Variants in SPAM1 observed in about 807,000 individuals in gnomAD.
SPAM1 encodes sperm adhesion molecule 1.
Under a neutral mutation model 29.6 loss-of-function variants are expected in SPAM1, and 22 were observed. The ratio of observed to expected loss-of-function variants is 0.74; its 90% confidence interval spans 0.53 to 1.06. The LOEUF is 1.06. Among genes scored for constraint, SPAM1 ranks in the 50% least tolerant of loss-of-function variants. The probability of loss-of-function intolerance (pLI) is 0.00; values close to 1 mark genes in which losing one functional copy is unlikely to be tolerated. For synonymous variants in SPAM1, 194 were observed against 204.6 expected (o/e 0.95, Z 0.44); for missense variants, 534 against 604.0 (o/e 0.88, Z 1.21).
In SPAM1 at chr7:123,953,886, A is replaced by G; in HGVS notation, c.316A>G (p.Thr106Ala). 1.2e-6 allele frequency: 2 copies of G among 1,613,760 alleles called. No homozygotes were observed. Among genetic ancestry groups the G allele is most frequent in the Non-Finnish European group, 8.5e-7 (1 of 1,179,820 alleles). ...CTACTATCCTTACATAGATTCAATC[A>G]CAGGAGTAACTGTGAATGGAGGAAT... Reference protein sequence around the residue: ...LGYYPYIDSITGVTVNGGIPQ... With the variant: ...LGYYPYIDSIAGVTVNGGIPQ... The change falls in exon 3 of 5, where the codon ACA becomes GCA. Residue 106 changes from threonine (T) to alanine (A), a missense_variant. Physicochemically the swap from Thr to Ala is moderately conservative, Grantham distance 58 (BLOSUM62 0). Transcript: ENST00000682466.
At chr7:123,951,823 C>T (rs376915400) in intron 2 of SPAM1, among the ~76,000 whole-genome samples, 8 of 151,974 alleles carry the variant, frequency 5.3e-5, no homozygotes, top group Admixed American at 4.6e-4. Context: ...GGTTTCACCA[C>T]GTTGGTCAGG....
downstream of SPAM1, chr7:123,960,158 C>T (rs1449490025): frequency 9.4e-6 from 7 of 741,026 alleles, no homozygotes; most frequent in Non-Finnish European, 1.4e-5. Context: ...GAATTCTCAA[C>T]CATGAGTTCA....
chr7:123,944,691 G>T (rs902250655), intron 1 of SPAM1, among the ~76,000 whole-genome samples: 1 of 152,144 alleles, frequency 6.6e-6, no homozygotes, highest in Middle Eastern at 3.4e-3. Context: ...ATTTCCTTTA[G>T]ACCTTCAAGA....
At chr7:123,933,385 A>G (rs1563021496) in intron 1 of SPAM1, among the ~76,000 whole-genome samples, 1 of 152,162 alleles carries the variant, frequency 6.6e-6, no homozygotes, top group Non-Finnish European at 1.5e-5. Flanking sequence ...TTTTACATGC[A>G]CATTGAAGCC....
intron 1 of SPAM1, among the ~76,000 whole-genome samples, chr7:123,937,555 C>A (rs548304407): frequency 8.5e-5 from 12 of 140,888 alleles, no homozygotes; most frequent in East Asian, 2.2e-4. Flanking sequence ...GAGCCGAGAT[C>A]GCGCCACTGC....
At chr7:123,941,923 G>A (rs1373800756) in intron 1 of SPAM1, among the ~76,000 whole-genome samples, 1 of 152,146 alleles carries the variant, frequency 6.6e-6, no homozygotes, top group East Asian at 1.9e-4. Context: ...ATTTTTAGCA[G>A]GTTGTGAAAT....
intron 1 of SPAM1, among the ~76,000 whole-genome samples, chr7:123,943,308 G>A (rs183838925): frequency 6.6e-6 from 1 of 152,094 alleles, no homozygotes; most frequent in East Asian, 1.9e-4. Context: ...AAGTGCACCC[G>A]TCAGAATCCT....
In SPAM1 at chr7:123,953,596, T is replaced by C. The variant is rs1792168238; in HGVS notation, c.26T>C (p.Ile9Thr). The C allele has an allele frequency of 6.3e-7, 1 of 1,597,786 alleles. No individual in the cohort carries two copies. The highest frequency in any genetic ancestry group is 8.5e-7 in the Non-Finnish European group (1 of 1,174,476). Residue 9 changes from isoleucine (I) to threonine (T), a missense_variant, in exon 3 of 5, where the codon ATC becomes ACC. Transcript: ENST00000682466. ...ATGGGAGTGCTAAAATTCAAGCACATCTTTTTCAGAAGCTTTGTTAAATCA... is the reference window on the plus strand; with the variant it reads ...ATGGGAGTGCTAAAATTCAAGCACACCTTTTTCAGAAGCTTTGTTAAATCA... The part of the protein sequence containing the change: MGVLKFKH[I>T]FFRSFVKSSG...
intron 1 of SPAM1, among the ~76,000 whole-genome samples, chr7:123,938,334 A>G (rs1208643765): frequency 6.6e-6 from 1 of 152,190 alleles, no homozygotes; most frequent in Non-Finnish European, 1.5e-5. Context: ...ATAATAAGCC[A>G]CTTACCACTC....
At chr7:123,937,870 G>A (rs545351243) in intron 1 of SPAM1, among the ~76,000 whole-genome samples, 49 of 152,082 alleles carry the variant, frequency 3.2e-4, no homozygotes, top group African/African-American at 1.0e-3. Flanking sequence ...AAGACAGTAA[G>A]GATAGAAAGT....
rs1792325760 is a variant in SPAM1 at position 123,959,681 on chromosome 7, G to T, written c.1242G>T (p.Lys414Asn). The T allele has an allele frequency of 6.2e-7, 1 of 1,613,212 alleles. No individual in the cohort carries two copies. The highest frequency in any genetic ancestry group is 8.5e-7 in the Non-Finnish European group (1 of 1,179,596). The change falls in exon 5 of 5, where the codon AAG becomes AAT. Residue 414 changes from lysine (K) to asparagine (N), a missense_variant. Transcript: ENST00000682466. ...NFAIQLEKGG[K>N]FTVRGKPTLE... ...CTATTCAACTTGAGAAAGGTGGAAA[G>T]TTCACAGTACGTGGAAAACCGACAC...
At chr7:123,949,509 A>G (rs1215896631) in intron 1 of SPAM1, among the ~76,000 whole-genome samples, 2 of 152,144 alleles carry the variant, frequency 1.3e-5, no homozygotes, top group Non-Finnish European at 2.9e-5. Context: ...TAGTTCTGAT[A>G]TCTGCATACA....
chr7:123,930,982 C>T (rs1240727415), intron 1 of SPAM1, among the ~76,000 whole-genome samples: 1 of 152,140 alleles, frequency 6.6e-6, no homozygotes, highest in Non-Finnish European at 1.5e-5. Context: ...TGGATTCTTA[C>T]ACCACAGGGT....
At chr7:123,968,489 T>C (rs960642252) in intron 5 of SPAM1, among the ~76,000 whole-genome samples, 3 of 152,036 alleles carry the variant, frequency 2.0e-5, no homozygotes, top group African/African-American at 7.2e-5. Context: ...AAGTTCCTTG[T>C]TAGGACAATG....
chr7:123,962,993 A>G (rs1284083158), downstream of SPAM1, among the ~76,000 whole-genome samples: 1 of 151,862 alleles, frequency 6.6e-6, no homozygotes, highest in Non-Finnish European at 1.5e-5. Flanking sequence ...ACTATATGAC[A>G]ATTTTAAAGG....
chr7:123,937,190 T>C (rs1808265765), intron 1 of SPAM1, among the ~76,000 whole-genome samples: 1 of 152,154 alleles, frequency 6.6e-6, no homozygotes, highest in Non-Finnish European at 1.5e-5. Context: ...CCACACCTAT[T>C]ACAGTTACCT....
At chr7:123,953,293 G>A (rs765929614) in intron 2 of SPAM1, 72 bp from the exon 3 acceptor site, 2 of 314,514 alleles carry the variant, frequency 6.4e-6, no homozygotes, top group Non-Finnish European at 1.1e-5. Context: ...ACTTAAAGTT[G>A]AGAACTTGGT....
intron 1 of SPAM1, among the ~76,000 whole-genome samples, chr7:123,943,525 A>G (rs962555219): frequency 6.6e-6 from 1 of 152,164 alleles, no homozygotes; most frequent in African/African-American, 2.4e-5. Context: ...CAATTTTGGA[A>G]CACAAACTAA....
rs766257029 is a variant in SPAM1, at chr7:123,954,463, T to A, written c.893T>A (p.Leu298His). 6.2e-7 allele frequency: 1 copy of A among 1,613,182 alleles called. No homozygotes were observed. The highest frequency in any genetic ancestry group is 8.5e-7 in the Non-Finnish European group (1 of 1,179,530). Reference sequence around the variant, plus strand: ...AAAATACCTGATGCAAAAAGTCCACTTCCGGTTTTTGCATATACCCGCATA... The same window carrying A: ...AAAATACCTGATGCAAAAAGTCCACATCCGGTTTTTGCATATACCCGCATA... The part of the protein sequence containing the change: ...VSKIPDAKSP[L>H]PVFAYTRIVF... The change falls in exon 3 of 5, where the codon CTT becomes CAT. Residue 298 changes from leucine (L) to histidine (H), a missense_variant. Physicochemically the swap from Leu to His is moderately conservative, Grantham distance 99. Transcript: ENST00000682466.
Sources: gnomAD v4.1 joint callset for allele counts (sites outside exome capture counted in the v4.1 genomes callset) on GRCh38, gnomAD v4.1.1 for gene constraint, MANE v1.5 for transcripts, NCBI Gene and HGNC (gene_info 2026-07-23, HGNC 2026-07-21) for gene names.